Variants in MARCHF1 observed in about 807,000 individuals in gnomAD.
MARCHF1 encodes membrane associated ring-CH-type finger 1.
A neutral mutation model predicts 54.2 loss-of-function variants in MARCHF1; 40 were observed. The observed-to-expected ratio is 0.74, with a 90% CI of 0.57 to 0.96. The LOEUF (loss-of-function observed/expected upper bound fraction) is 0.96, where lower values mean the gene tolerates loss of function less well. Among genes scored for constraint, MARCHF1 ranks in the 40% least tolerant of loss-of-function variants. MARCHF1 has a pLI of 0.00. For missense variants in MARCHF1, 586 were observed against 656.5 expected, an observed-to-expected ratio of 0.89 and a Z score of 1.17; for synonymous variants, 236 against 236.3, an observed-to-expected ratio of 1.00 and a Z score of 0.01.
chr4:163,782,856 T>C lies in MARCHF1; in HGVS notation c.111+71165A>G, dbSNP rs557010423. ...CTAGGATTTAGAATTTTGGTCTCCA[T>C]TGGGCTTGCAAAAGAATTTCAGAAT... On this transcript the variant is annotated intron_variant, in intron 4 of 9. Coordinates refer to ENST00000514618, the MANE Select transcript of MARCHF1 (RefSeq NM_001394959.1). 5.9e-5 allele frequency among the ~76,000 whole-genome samples: 9 copies of C among 152,140 alleles called. No homozygotes were observed. In the East Asian group the frequency reaches 1.4e-3, roughly 23 times the overall value.
intron 2 of MARCHF1, among the ~76,000 whole-genome samples, chr4:164,091,170 C>T (rs752898387): frequency 2.0e-5 from 3 of 151,956 alleles, no homozygotes; most frequent in Non-Finnish European, 4.4e-5. Context: ...ACACCTCTCT[C>T]TCTGTCATTG....
chr4:163,582,643 G>T (rs1048546613), intron 8 of MARCHF1, among the ~76,000 whole-genome samples: 1 of 152,092 alleles, frequency 6.6e-6, no homozygotes, highest in Non-Finnish European at 1.5e-5. Context: ...TTTCATGTGG[G>T]TTGTTCTTTA....
intron 8 of MARCHF1, among the ~76,000 whole-genome samples, chr4:163,565,473 C>G (rs1739616008): frequency 6.6e-6 from 1 of 152,180 alleles, no homozygotes; most frequent in Admixed American, 6.5e-5. Flanking sequence ...CAATACAGGA[C>G]CTTCTTCTGT....
At position 163,616,173 on chromosome 4, in the gene MARCHF1, G is replaced by A. The variant is rs527844711; in HGVS notation, c.163-2780C>T. ...TGATCTTTTAGAAAAGTTTTTGTGG[G>A]TACGACTTCAAAAGCACAGACAACA... On this transcript the variant is annotated intron_variant, in intron 5 of 9. Transcript: ENST00000514618. Among the ~76,000 whole-genome samples, 19 of 152,192 alleles carry A rather than the reference G, an allele frequency of 1.2e-4. No homozygotes were observed. In the East Asian group the frequency reaches 2.7e-3, roughly 22 times the overall value.
At chr4:163,729,564 C>T (rs941985332) in intron 4 of MARCHF1, among the ~76,000 whole-genome samples, 1 of 151,956 alleles carries the variant, frequency 6.6e-6, no homozygotes, top group African/African-American at 2.4e-5. Flanking sequence ...TTTATTTCTT[C>T]TTATGTAAAT....
intron 3 of MARCHF1, among the ~76,000 whole-genome samples, chr4:163,917,478 C>T (rs145466240): frequency 3.9e-5 from 6 of 152,218 alleles, no homozygotes; most frequent in East Asian, 3.9e-4. Context: ...AGTGGCATCT[C>T]ATAGTTGTTT....
chr4:164,077,041 T>C (rs2111104697), intron 2 of MARCHF1, among the ~76,000 whole-genome samples: 1 of 152,224 alleles, frequency 6.6e-6, no homozygotes, highest in South Asian at 2.1e-4. Context: ...TTAAATTTCA[T>C]ATGGAACCAA....
At chr4:164,046,661 C>T (rs1047139230) in intron 2 of MARCHF1, among the ~76,000 whole-genome samples, 4 of 152,088 alleles carry the variant, frequency 2.6e-5, no homozygotes, top group Non-Finnish European at 5.9e-5. Context: ...AATCAAAACA[C>T]AAATACATCA....
intron 3 of MARCHF1, among the ~76,000 whole-genome samples, chr4:163,898,556 G>GAA (rs1750867891): frequency 6.6e-6 from 1 of 152,204 alleles, no homozygotes. Context: ...AGGATGCAGA[G>GAA]AAAAGGGAAT....
intron 5 of MARCHF1, among the ~76,000 whole-genome samples, chr4:163,632,118 C>A (rs539187602): frequency 4.6e-5 from 7 of 152,224 alleles, no homozygotes; most frequent in Admixed American, 3.9e-4. Flanking sequence ...GAAATTGGAA[C>A]CCTTGTGCAC....
chr4:163,963,432 C>T (rs767767599), intron 3 of MARCHF1, among the ~76,000 whole-genome samples: 2 of 151,862 alleles, frequency 1.3e-5, no homozygotes, highest in Non-Finnish European at 1.5e-5. Flanking sequence ...TTTTACTATT[C>T]TCCTTAGTGA....
At chr4:163,986,523 C>T (rs879443194) in intron 3 of MARCHF1, among the ~76,000 whole-genome samples, 1 of 151,940 alleles carries the variant, frequency 6.6e-6, no homozygotes, top group Non-Finnish European at 1.5e-5. Flanking sequence ...CCTCGGCCTC[C>T]CAAAGTGCTG....
intron 2 of MARCHF1, among the ~76,000 whole-genome samples, chr4:164,090,886 C>G (rs906779313): frequency 6.6e-6 from 1 of 152,036 alleles, no homozygotes; most frequent in Non-Finnish European, 1.5e-5. Context: ...GAACTAAGGG[C>G]AGAGAGAGAT....
intron 1 of MARCHF1, among the ~76,000 whole-genome samples, chr4:164,332,589 G>C (rs1007206949): frequency 2.0e-5 from 3 of 150,948 alleles, no homozygotes; most frequent in Non-Finnish European, 4.4e-5. Flanking sequence ...CTGAGAACAG[G>C]GTGCAGAAAA....
intron 2 of MARCHF1, among the ~76,000 whole-genome samples, chr4:164,066,743 T>C (rs1560888152): frequency 6.6e-6 from 1 of 152,148 alleles, no homozygotes; most frequent in Non-Finnish European, 1.5e-5. Context: ...CTAGAGGCCA[T>C]TACCCTTAGC....
At chr4:164,172,213 T>A (rs983727682) in intron 1 of MARCHF1, among the ~76,000 whole-genome samples, 3 of 152,120 alleles carry the variant, frequency 2.0e-5, no homozygotes, top group African/African-American at 7.2e-5. Flanking sequence ...AGAAGATGAG[T>A]GAATGTGTTT....
intron 1 of MARCHF1, among the ~76,000 whole-genome samples, chr4:164,245,565 C>G (rs993663052): frequency 6.6e-6 from 1 of 151,772 alleles, no homozygotes; most frequent in Admixed American, 6.6e-5. Context: ...TCTCTTAGCA[C>G]TCTTATTCAA....
intron 1 of MARCHF1, among the ~76,000 whole-genome samples, chr4:164,361,274 A>T (rs1578899533): frequency 6.6e-6 from 1 of 152,218 alleles, no homozygotes; most frequent in South Asian, 2.1e-4. Flanking sequence ...TCAAACTTTT[A>T]TATTAATTAC....
At chr4:164,373,492 T>C (rs570597908) in intron 1 of MARCHF1, among the ~76,000 whole-genome samples, 36 of 151,136 alleles carry the variant, frequency 2.4e-4, no homozygotes, top group African/African-American at 8.0e-4. Flanking sequence ...GTAGCTAGGA[T>C]TACAGGTGTG....
Sources: allele counts gnomAD v4.1 joint callset (sites outside exome capture counted in the v4.1 genomes callset), GRCh38; gene constraint gnomAD v4.1.1; transcripts MANE v1.5; gene names NCBI Gene and HGNC (gene_info 2026-07-23, HGNC 2026-07-21).